PCDHA1: variants seen among roughly 807,000 people sequenced by gnomAD.
PCDHA1 encodes the protein protocadherin alpha 1.
A neutral mutation model predicts 61.3 loss-of-function variants in PCDHA1; 42 were observed. The ratio of observed to expected loss-of-function variants is 0.69; its 90% CI spans 0.54 to 0.89. The LOEUF is 0.89. PCDHA1 is among the 40% of genes least tolerant of loss of function. PCDHA1 has a pLI of 0.00. For missense variants in PCDHA1, 1,256 were observed against 1,235.3 expected (o/e 1.02, Z -0.25); for synonymous variants, 610 against 553.8 (o/e 1.10, Z -1.43).
At chr5:140,877,002 G>A (rs374546473) in intron 1 of PCDHA1, 96 of 1,612,426 alleles carry the variant, frequency 6.0e-5, no homozygotes, top group Non-Finnish European at 8.0e-5. Flanking sequence ...ACGTGTCGGT[G>A]CACGCGGAGA....
At chr5:140,966,805 T>G in intron 1 of PCDHA1, 1 of 1,545,566 alleles carries the variant, frequency 6.5e-7, no homozygotes, top group East Asian at 2.4e-5. Context: ...CGACAGAGCA[T>G]CCACGGCTCC....
chr5:140,967,756 C>T (rs1554229911), intron 1 of PCDHA1: 2 of 1,614,216 alleles, frequency 1.2e-6, no homozygotes, highest in Middle Eastern at 1.6e-4. Context: ...AAGCCTCCTC[C>T]TACCAGATCT....
chr5:140,978,685 CA>C (rs1426574040), intron 1 of PCDHA1, among the ~76,000 whole-genome samples: 2 of 152,242 alleles, frequency 1.3e-5, no homozygotes, highest in African/African-American at 2.4e-5. Context: ...ATGTATTGGG[CA>C]AGGCAAAGCC....
chr5:140,906,258 C>T (rs1162219070), intron 1 of PCDHA1, among the ~76,000 whole-genome samples: 4 of 152,180 alleles, frequency 2.6e-5, no homozygotes, highest in African/African-American at 9.7e-5. Flanking sequence ...TACACACCTC[C>T]TGAAATTATA....
At chr5:140,875,888 A>G (rs782107591) in intron 1 of PCDHA1, 3 of 1,614,076 alleles carry the variant, frequency 1.9e-6, no homozygotes, top group Non-Finnish European at 2.5e-6. Context: ...AGGGAACAAA[A>G]GGTACCTGTT....
chr5:140,829,492 C>T, intron 1 of PCDHA1: 4 of 1,613,696 alleles, frequency 2.5e-6, no homozygotes, highest in Middle Eastern at 1.7e-4. Flanking sequence ...TGAAGGAGAA[C>T]AACCCGCCGG....
At chr5:140,926,573 A>C in intron 1 of PCDHA1, 2 of 265,974 alleles carry the variant, frequency 7.5e-6, no homozygotes. Context: ...TACTGGAGAC[A>C]GCACCTCTCG....
At position 140,940,270 on chromosome 5, in the gene PCDHA1, G is replaced by A. The variant is rs1236320412; in HGVS notation, c.2395-38679G>A. Among the ~76,000 whole-genome samples, 4 of 152,094 alleles carry A rather than the reference G, an allele frequency of 2.6e-5. No homozygotes were observed. In the East Asian group the frequency reaches 7.7e-4, roughly 29 times the overall value. ...TCCTCAATATCTTCTGGGTTCCACT[G>A]TTGTCTCATTGTGCTGCTTCATCAG... On this transcript the variant is annotated intron_variant, in intron 1 of 3. Transcript: ENST00000504120.
chr5:140,917,942 A>G (rs781844380), intron 1 of PCDHA1, among the ~76,000 whole-genome samples: 5 of 152,048 alleles, frequency 3.3e-5, no homozygotes, highest in African/African-American at 4.8e-5. Flanking sequence ...TAATATTGGT[A>G]GTTTGATAGG....
intron 1 of PCDHA1, chr5:140,824,315 CA>C (rs1768084826): frequency 1.3e-6 from 1 of 747,160 alleles, no homozygotes; most frequent in Non-Finnish European, 2.2e-6. Context: ...ATAGATTCAT[CA>C]GCTTTCTGTG....
chr5:140,848,408 A>G, intron 1 of PCDHA1: 1 of 1,352,390 alleles, frequency 7.4e-7, no homozygotes, highest in East Asian at 2.3e-5. Context: ...ACGATGGCGA[A>G]CACAGCAGAA....
At chr5:140,978,914 C>A (rs2096828574) in intron 1 of PCDHA1, 35 bp from the exon 2 acceptor site, 10 of 1,613,852 alleles carry the variant, frequency 6.2e-6, no homozygotes, top group Non-Finnish European at 8.5e-6. Context: ...ATTGTCTTGT[C>A]ATTTTAACAG....
intron 1 of PCDHA1, chr5:140,969,383 C>T: frequency 6.3e-6 from 10 of 1,597,986 alleles, no homozygotes; most frequent in African/African-American, 1.3e-5. Context: ...TGTTACACAT[C>T]CCCCAATATC....
At chr5:140,819,262 A>G (rs188497133) in intron 1 of PCDHA1, among the ~76,000 whole-genome samples, 19 of 152,252 alleles carry the variant, frequency 1.2e-4, no homozygotes, top group Admixed American at 1.0e-3. Flanking sequence ...TATCTATATA[A>G]TTTCTATAGA....
chr5:140,843,736 A>T (rs1779068159), intron 1 of PCDHA1: 1 of 1,547,354 alleles, frequency 6.5e-7, no homozygotes, highest in African/African-American at 1.4e-5. Context: ...TTAAATTTAG[A>T]ACTCATAAAT....
intron 1 of PCDHA1, among the ~76,000 whole-genome samples, chr5:140,895,640 T>G (rs1554186577): frequency 6.6e-6 from 1 of 152,220 alleles, no homozygotes; most frequent in Non-Finnish European, 1.5e-5. Flanking sequence ...ACATTCTTTT[T>G]TAGCTCCCAC....
chr5:140,836,190 T>G, intron 1 of PCDHA1: 1 of 1,613,826 alleles, frequency 6.2e-7, no homozygotes, highest in East Asian at 2.2e-5. Flanking sequence ...TGACTCAGGC[T>G]ACAACGCGTG....
chr5:140,913,471 C>G (rs2076351409), intron 1 of PCDHA1, among the ~76,000 whole-genome samples: 1 of 152,010 alleles, frequency 6.6e-6, no homozygotes, highest in South Asian at 2.1e-4. Context: ...TGGGTCTTCT[C>G]TCTTTTTTTC....
intron 1 of PCDHA1, chr5:140,843,068 C>A (rs1345239073): frequency 1.9e-6 from 3 of 1,595,102 alleles, no homozygotes; most frequent in Admixed American, 1.7e-5. Flanking sequence ...GCTGGTGCCG[C>A]GGTCTGTGGG....
Sources: gnomAD v4.1 joint callset for allele counts (sites outside exome capture counted in the v4.1 genomes callset) on GRCh38, gnomAD v4.1.1 for gene constraint, MANE v1.5 for transcripts, NCBI Gene and HGNC (gene_info 2026-07-23, HGNC 2026-07-21) for gene names.